The following DNTT variants were observed in gnomAD, a reference collection of about 807,000 sequenced individuals.
The protein encoded by DNTT is DNA nucleotidylexotransferase.
In DNTT, 47 loss-of-function variants were observed where a neutral mutation model predicts 60.9. The ratio of observed to expected loss-of-function variants is 0.77; its 90% CI spans 0.61 to 0.98. The LOEUF is 0.98. Ranked by LOEUF, DNTT falls within the 50% of genes least tolerant of loss-of-function variation. DNTT has a pLI of 0.00. For missense variants in DNTT, 665 were observed against 627.5 expected (o/e 1.06, Z -0.64); for synonymous variants, 224 against 221.2 (o/e 1.01, Z -0.11).
At chr10:96,320,067 A>G (rs1444243284) in intron 3 of DNTT, among the ~76,000 whole-genome samples, 1 of 152,196 alleles carries the variant, frequency 6.6e-6, no homozygotes, top group Non-Finnish European at 1.5e-5. Flanking sequence ...TGTTGGAAAG[A>G]CTAGGAAATT....
At chr10:96,306,577 T>C (rs1211966898) in intron 1 of DNTT, 2 of 152,250 alleles carry the variant, frequency 1.3e-5, no homozygotes, top group African/African-American at 4.8e-5. Flanking sequence ...GACACAGCAA[T>C]GAATACATAC....
In DNTT at chr10:96,311,514, A is replaced by G. The variant is rs929376284; in HGVS notation, c.203+6814A>G. The stretch of plus-strand genomic sequence containing the variant: ...AATTATTGCCTGAGGGAAAAAATGC[A>G]GAACTGAAGTCTGTGAGTTAATTCC... On this transcript the variant is annotated intron_variant, in intron 1 of 10. Coordinates refer to ENST00000371174, the MANE Select transcript of DNTT (RefSeq NM_004088.4). Among the ~76,000 whole-genome samples, 25 of 152,382 alleles carry G rather than the reference A, an allele frequency of 1.6e-4. 1 individual carries two copies. Among genetic ancestry groups the G allele is most frequent in the Admixed American group, 8.5e-4 (13 of 15,310 alleles).
chr10:96,333,709 C>G (rs574677625), intron 9 of DNTT, among the ~76,000 whole-genome samples: 19 of 152,266 alleles, frequency 1.2e-4, no homozygotes. Context: ...TGGAATAAGT[C>G]AGGCACAGAG....
chr10:96,327,043 T>G (rs1844945006), intron 6 of DNTT, among the ~76,000 whole-genome samples: 1 of 152,196 alleles, frequency 6.6e-6, no homozygotes, highest in South Asian at 2.1e-4. Flanking sequence ...ACACATCTAC[T>G]CTGCTCCTAT....
At chr10:96,322,536 C>A in intron 4 of DNTT, 121 bp from the exon 5 acceptor site, 1 of 591,986 alleles carries the variant, frequency 1.7e-6, no homozygotes, top group Middle Eastern at 3.0e-4. Flanking sequence ...AGGGAAATAC[C>A]CCTGCATGTG....
At chr10:96,329,836 G>A (rs1844984871) in intron 8 of DNTT, among the ~76,000 whole-genome samples, 1 of 152,176 alleles carries the variant, frequency 6.6e-6, no homozygotes, top group Non-Finnish European at 1.5e-5. Context: ...AGGCACCTGA[G>A]ACTAAATTTG....
chr10:96,314,849 T>C (rs1455369689), intron 1 of DNTT, among the ~76,000 whole-genome samples: 1 of 152,148 alleles, frequency 6.6e-6, no homozygotes, highest in African/African-American at 2.4e-5. Flanking sequence ...ATTTCCAGTA[T>C]TGGAGTGTTC....
At chr10:96,330,530 C>G (rs1337998551) in intron 8 of DNTT, among the ~76,000 whole-genome samples, 1 of 152,146 alleles carries the variant, frequency 6.6e-6, no homozygotes, top group Non-Finnish European at 1.5e-5. Flanking sequence ...CAACATCTAC[C>G]ACCTCCTCCA....
intron 9 of DNTT, 124 bp from the exon 10 acceptor site, chr10:96,335,767 G>A (rs1845060872): frequency 1.8e-6 from 2 of 1,123,712 alleles, no homozygotes; most frequent in African/African-American, 1.5e-5. Context: ...ATTTGGCCCT[G>A]GGGGAGGAAA....
chr10:96,324,170 CT>C (rs1844911682), intron 5 of DNTT, 95 bp from the exon 6 acceptor site: 2 of 1,437,684 alleles, frequency 1.4e-6, no homozygotes, highest in African/African-American at 2.9e-5. Flanking sequence ...TTTGCTTATA[CT>C]TTTTCTTCAT....
At chr10:96,307,708 T>C (rs1395168229) in intron 1 of DNTT, among the ~76,000 whole-genome samples, 2 of 32,200 alleles carry the variant, frequency 6.2e-5, no homozygotes, top group African/African-American at 2.1e-4. Flanking sequence ...TGTGTGTGTA[T>C]ATATATATAT....
At chr10:96,332,719 C>T in intron 9 of DNTT, 123 bp downstream of exon 9, 2 of 1,429,884 alleles carry the variant, frequency 1.4e-6, no homozygotes, top group Non-Finnish European at 1.9e-6. Context: ...GGCCAGTACC[C>T]AGAAACCTCT....
At chr10:96,312,405 A>G (rs139265919) in intron 1 of DNTT, among the ~76,000 whole-genome samples, 3 of 152,272 alleles carry the variant, frequency 2.0e-5, no homozygotes, top group African/African-American at 2.4e-5. Context: ...CTGGGACACA[A>G]TCTCTGGGAC....
intron 9 of DNTT, among the ~76,000 whole-genome samples, chr10:96,334,836 A>T (rs932848587): frequency 7.9e-5 from 12 of 152,236 alleles, no homozygotes; most frequent in African/African-American, 2.9e-4. Context: ...ATGCCAGTTA[A>T]GCATCACTGG....
intron 1 of DNTT, among the ~76,000 whole-genome samples, chr10:96,305,401 G>A (rs1418921160): frequency 1.3e-5 from 2 of 152,114 alleles, no homozygotes; most frequent in Non-Finnish European, 2.9e-5. Context: ...CACTCACCTT[G>A]AACAGCAATT....
intron 1 of DNTT, among the ~76,000 whole-genome samples, chr10:96,313,789 A>G (rs1245696201): frequency 6.6e-6 from 1 of 152,194 alleles, no homozygotes; most frequent in Non-Finnish European, 1.5e-5. Context: ...CAGCATTCTA[A>G]TGTCCCCATC....
At chr10:96,312,460 T>C (rs1416051042) in intron 1 of DNTT, among the ~76,000 whole-genome samples, 2 of 152,018 alleles carry the variant, frequency 1.3e-5, no homozygotes, top group African/African-American at 2.4e-5. Flanking sequence ...TTAGACCACA[T>C]AAAGTTGCTT....
In DNTT at chr10:96,304,567, G is replaced by C. The variant is rs1269636628; in HGVS notation, c.70G>C (p.Ala24Pro). ...KRPRQTGALMASSPQDIKFQD... is the reference protein window; with the variant it reads ...KRPRQTGALMPSSPQDIKFQD... Reference sequence around the variant, plus strand: ...ACCCCGGCAGACGGGTGCCTTGATGGCCTCCTCTCCTCAAGACATCAAATT... The same window carrying C: ...ACCCCGGCAGACGGGTGCCTTGATGCCCTCCTCTCCTCAAGACATCAAATT... The change falls in exon 1 of 11, where the codon GCC becomes CCC. Residue 24 changes from alanine (A) to proline (P), a missense_variant. Transcript: ENST00000371174. The C allele has an allele frequency of 1.2e-6, 2 of 1,614,094 alleles. No homozygotes were observed.
chr10:96,327,359 G>T, intron 6 of DNTT, 109 bp from the exon 7 acceptor site: 2 of 1,501,234 alleles, frequency 1.3e-6, no homozygotes, highest in South Asian at 1.1e-5. Flanking sequence ...TGGTGTTGAT[G>T]CCTGTAGTCA....
Sources: gnomAD v4.1 joint callset for allele counts (sites outside exome capture counted in the v4.1 genomes callset) on GRCh38, gnomAD v4.1.1 for gene constraint, MANE v1.5 for transcripts, NCBI Gene and HGNC (gene_info 2026-07-23, HGNC 2026-07-21) for gene names.